CDH7: variants seen among roughly 807,000 people sequenced by gnomAD.
CDH7 encodes cadherin-7.
In CDH7, 25 loss-of-function variants were observed where a neutral mutation model predicts 71.8. That is an observed-to-expected ratio of 0.35 (90% CI 0.25 to 0.49). The LOEUF is 0.49. Among genes scored for constraint, CDH7 ranks in the 20% least tolerant of loss-of-function variants. The pLI is 0.99. For synonymous variants in CDH7, 381 were observed against 363.8 expected (o/e 1.05, Z -0.54); for missense variants, 862 against 974.6 (o/e 0.88, Z 1.54).
intron 1 of CDH7, among the ~76,000 whole-genome samples, chr18:65,756,375 C>A (rs1286796204): frequency 6.6e-6 from 1 of 152,190 alleles, no homozygotes; most frequent in Non-Finnish European, 1.5e-5. Flanking sequence ...ATTAAGTACA[C>A]TGACAGTCCT....
intron 6 of CDH7, among the ~76,000 whole-genome samples, chr18:65,830,748 T>G (rs1265165489): frequency 7.7e-6 from 1 of 130,236 alleles, no homozygotes; most frequent in African/African-American, 3.3e-5. Context: ...TCTTTCTTCC[T>G]CTTTCTTTTC....
chr18:65,777,496 C>T (rs945936129), intron 2 of CDH7, among the ~76,000 whole-genome samples: 1 of 151,912 alleles, frequency 6.6e-6, no homozygotes, highest in African/African-American at 2.4e-5. Flanking sequence ...AATTTATCCA[C>T]TCAAATGGAT....
intron 2 of CDH7, among the ~76,000 whole-genome samples, chr18:65,778,389 G>T (rs961615241): frequency 6.6e-6 from 1 of 151,020 alleles, no homozygotes; most frequent in Non-Finnish European, 1.5e-5. Flanking sequence ...AACCAAACCA[G>T]GAAAAACTGC....
intron 2 of CDH7, among the ~76,000 whole-genome samples, chr18:65,806,101 A>C (rs1425138410): frequency 2.0e-5 from 3 of 152,126 alleles, no homozygotes. Context: ...ATACATGTAA[A>C]ATGTGATTTG....
chr18:65,779,325 TAA>T (rs1235243934), intron 2 of CDH7, among the ~76,000 whole-genome samples: 1 of 127,156 alleles, frequency 7.9e-6, no homozygotes, highest in East Asian at 2.4e-4. Context: ...TATTATACTC[TAA>T]GTTTTAGGGT....
chr18:65,873,743 A>G (rs745842624), intron 11 of CDH7, among the ~76,000 whole-genome samples: 22 of 152,152 alleles, frequency 1.4e-4, no homozygotes, highest in Non-Finnish European at 3.1e-4. Context: ...AAGAGACCAT[A>G]TAGATGATGG....
chr18:65,806,029 G>A (rs1474113095), intron 2 of CDH7, among the ~76,000 whole-genome samples: 1 of 152,154 alleles, frequency 6.6e-6, no homozygotes, highest in African/African-American at 2.4e-5. Flanking sequence ...TCATGGTGGA[G>A]GGTGCTCTAT....
chr18:65,822,208 C>G lies in CDH7; in HGVS notation c.753C>G (p.Thr251=). The G allele has an allele frequency of 6.2e-7, 1 of 1,613,162 alleles. No homozygotes were observed. The highest frequency in any genetic ancestry group is 2.2e-5 in the East Asian group (1 of 44,818). The change falls in exon 5 of 12, where the codon ACC becomes ACG. Residue 251 remains threonine, a synonymous_variant. Transcript: ENST00000397968. ...CAGGAACTACATCAGTCACTGTGAC[C>G]CTAACTGATGTCAACGATAATCCAC... is the stretch of plus-strand genomic sequence containing the variant. ...GLSGTTSVTV[T]LTDVNDNPPR...
rs116347805 is a variant in CDH7, at chr18:65,880,501, C to T, written c.1965C>T (p.Asp655=). The stretch of plus-strand genomic sequence containing the variant: ...GAGAAAATATTGTGAGATACGATGA[C>T]GAGGGCGGGGGAGAGGAGGACACGG... ...DIRENIVRYD[D]EGGGEEDTEA... is the part of the protein sequence containing the mutation. Residue 655 remains aspartate (D), a synonymous_variant, in exon 12 of 12, where the codon GAC becomes GAT. Coordinates refer to ENST00000397968, the MANE Select transcript of CDH7 (RefSeq NM_004361.5). 2.1e-5 allele frequency: 34 copies of T among 1,608,180 alleles called. No homozygotes were observed. The highest frequency in any genetic ancestry group is 1.6e-4 in the South Asian group (14 of 90,230).
intron 3 of CDH7, among the ~76,000 whole-genome samples, chr18:65,814,200 C>T (rs1911641220): frequency 6.6e-6 from 1 of 151,776 alleles, no homozygotes; most frequent in African/African-American, 2.4e-5. Context: ...TCAGTCCCAT[C>T]CAATTCAGAG....
intron 11 of CDH7, among the ~76,000 whole-genome samples, chr18:65,876,342 C>T (rs895771059): frequency 6.6e-6 from 1 of 152,170 alleles, no homozygotes; most frequent in Non-Finnish European, 1.5e-5. Flanking sequence ...TTTGTGACAT[C>T]TTCTCCCCTA....
At chr18:65,786,058 G>A (rs1345144362) in intron 2 of CDH7, among the ~76,000 whole-genome samples, 1 of 152,156 alleles carries the variant, frequency 6.6e-6, no homozygotes, top group Non-Finnish European at 1.5e-5. Context: ...ATAAATGGTA[G>A]TGATTGATCT....
In CDH7 at chr18:65,843,861, C is replaced by A; in HGVS notation, c.1031C>A (p.Ala344Glu). The A allele has an allele frequency of 1.0e-5, 16 of 1,581,186 alleles. No individual in the cohort carries two copies. The highest frequency in any genetic ancestry group is 1.4e-5 in the Non-Finnish European group (16 of 1,160,584). ...AGTTACACGCTACGGATAGAAGCTGCAAATAAAGATGCCGACCCTCGCTTT... is the reference window on the plus strand; with the variant it reads ...AGTTACACGCTACGGATAGAAGCTGAAAATAAAGATGCCGACCCTCGCTTT... ...KTSYTLRIEA[A>E]NKDADPRFLS... Residue 344 changes from alanine to glutamate, a missense_variant, in exon 7 of 12, where the codon GCA (alanine) becomes GAA (glutamate). Physicochemically the swap from Ala to Glu is moderately radical, Grantham distance 107 (BLOSUM62 -1). Transcript: ENST00000397968.
chr18:65,774,201 T>G (rs903947195), intron 2 of CDH7, among the ~76,000 whole-genome samples: 1 of 151,996 alleles, frequency 6.6e-6, no homozygotes, highest in South Asian at 2.1e-4. Flanking sequence ...TTATTATTAC[T>G]GTTATTAATA....
At chr18:65,853,125 A>G (rs1913208029) in intron 7 of CDH7, among the ~76,000 whole-genome samples, 3 of 152,208 alleles carry the variant, frequency 2.0e-5, no homozygotes, top group Admixed American at 1.3e-4. Flanking sequence ...TGTCCGCTCC[A>G]ATATACACTA....
intron 11 of CDH7, among the ~76,000 whole-genome samples, chr18:65,876,694 A>G (rs1214394523): frequency 2.0e-5 from 3 of 152,176 alleles, no homozygotes; most frequent in Non-Finnish European, 4.4e-5. Context: ...AGTAATTATT[A>G]CAATTCTACT....
intron 2 of CDH7, among the ~76,000 whole-genome samples, chr18:65,804,727 T>TGTGTGTGTGTG (rs1359982431): frequency 6.6e-6 from 1 of 151,342 alleles, no homozygotes; most frequent in African/African-American, 2.4e-5. Flanking sequence ...TGTGTGTGTA[T>TGTGTGTGTGTG]TTATGAGAGA....
At chr18:65,850,142 T>A (rs951499785) in intron 7 of CDH7, among the ~76,000 whole-genome samples, 1 of 142,842 alleles carries the variant, frequency 7.0e-6, no homozygotes, top group African/African-American at 2.6e-5. Context: ...CCAGCCTCAG[T>A]GACAGAGTGA....
At chr18:65,820,825 G>A (rs1911897035) in intron 4 of CDH7, among the ~76,000 whole-genome samples, 1 of 152,112 alleles carries the variant, frequency 6.6e-6, no homozygotes, top group South Asian at 2.1e-4. Flanking sequence ...ACCCATGAGA[G>A]GATGAGGCTG....
Sources: allele counts gnomAD v4.1 joint callset (sites outside exome capture counted in the v4.1 genomes callset), GRCh38; gene constraint gnomAD v4.1.1; transcripts MANE v1.5; gene names NCBI Gene and HGNC (gene_info 2026-07-23, HGNC 2026-07-21).